Variants in ADAMTS12 observed in about 807,000 individuals in gnomAD.
ADAMTS12 encodes A disintegrin and metalloproteinase with thrombospondin motifs 12.
ADAMTS12 carries 118 observed loss-of-function variants against 167.8 expected under a neutral mutation model. That is an observed-to-expected ratio of 0.70 (90% CI 0.61 to 0.82). The LOEUF (loss-of-function observed/expected upper bound fraction) is 0.82. Among genes scored for constraint, ADAMTS12 ranks in the 40% least tolerant of loss-of-function variants. The pLI is 0.00. For synonymous variants in ADAMTS12, 704 were observed against 716.9 expected (o/e 0.98, Z 0.29); for missense variants, 1,916 against 1,998.8 (o/e 0.96, Z 0.79).
At position 33,555,674 on chromosome 5, in the gene ADAMTS12, C is replaced by T. The variant is rs557170578; in HGVS notation, c.4125+5353G>A. 8.5e-5 allele frequency among the ~76,000 whole-genome samples: 13 copies of T among 152,252 alleles called. No homozygotes were observed. The South Asian group carries it at 1.0e-3, about 12-fold the overall frequency. Reference sequence around the variant, plus strand: ...TAAAATGACATAATCCCCCAGGTGACGGTTTCTTAGAATTGAGACTATTCA... The same window carrying T: ...TAAAATGACATAATCCCCCAGGTGATGGTTTCTTAGAATTGAGACTATTCA... On this transcript the variant is annotated intron_variant, in intron 20 of 23. Coordinates refer to ENST00000504830, the MANE Select transcript of ADAMTS12 (RefSeq NM_030955.4).
intron 19 of ADAMTS12, among the ~76,000 whole-genome samples, chr5:33,567,856 C>T (rs1315043539): frequency 1.3e-5 from 2 of 152,076 alleles, no homozygotes; most frequent in African/African-American, 4.8e-5. Flanking sequence ...AAATCAAAGA[C>T]ACAGAGGATG....
At chr5:33,724,373 C>T (rs950344886) in intron 3 of ADAMTS12, among the ~76,000 whole-genome samples, 3 of 151,948 alleles carry the variant, frequency 2.0e-5, no homozygotes, top group African/African-American at 7.3e-5. Context: ...AACATAACTC[C>T]CTTTATTTAA....
At chr5:33,684,427 T>C (rs115879199) in intron 3 of ADAMTS12, among the ~76,000 whole-genome samples, 43 of 152,344 alleles carry the variant, frequency 2.8e-4, no homozygotes, top group African/African-American at 1.0e-3. Context: ...TTTATCCTCA[T>C]GAATGACAGA....
At chr5:33,636,972 A>C (rs1435636385) in intron 12 of ADAMTS12, among the ~76,000 whole-genome samples, 1 of 151,572 alleles carries the variant, frequency 6.6e-6, no homozygotes, top group East Asian at 1.9e-4. Context: ...CCCTTCTCAT[A>C]CTCCAGTACA....
In ADAMTS12 at chr5:33,641,982, C is replaced by T; in HGVS notation, c.1573-27G>A. The T allele has an allele frequency of 2.5e-6, 4 of 1,586,006 alleles. No individual in the cohort carries two copies. In the South Asian group the frequency reaches 3.4e-5, roughly 14 times the overall value. On this transcript the variant is annotated intron_variant, in intron 10 of 23. Transcript: ENST00000504830. ...TGGAAAGGGAAGAGGCAGGAGATGG[C>T]CGTATCAGGAAGGTTACCAGAGCAA...
At chr5:33,807,436 T>C (rs1470722918) in intron 2 of ADAMTS12, among the ~76,000 whole-genome samples, 3 of 152,230 alleles carry the variant, frequency 2.0e-5, no homozygotes. Context: ...CCAACTCTTC[T>C]GTAATCCTTG....
intron 1 of ADAMTS12, among the ~76,000 whole-genome samples, chr5:33,886,560 G>A (rs186044637): frequency 1.3e-5 from 2 of 152,360 alleles, no homozygotes; most frequent in East Asian, 3.9e-4. Flanking sequence ...GAGTATAGCA[G>A]GGTTAGAGGT....
intron 2 of ADAMTS12, among the ~76,000 whole-genome samples, chr5:33,858,243 G>T (rs1393651433): frequency 1.3e-5 from 2 of 151,948 alleles, no homozygotes; most frequent in East Asian, 3.9e-4. Flanking sequence ...CAAAGAAAAA[G>T]TCTCAAACAA....
intron 22 of ADAMTS12, among the ~76,000 whole-genome samples, chr5:33,542,581 C>T (rs1178604272): frequency 6.6e-6 from 1 of 152,218 alleles, no homozygotes; most frequent in East Asian, 1.9e-4. Flanking sequence ...CACCACATCA[C>T]ACTTATTCTA....
chr5:33,793,927 G>A (rs1426051352), intron 2 of ADAMTS12, among the ~76,000 whole-genome samples: 2 of 152,202 alleles, frequency 1.3e-5, no homozygotes, highest in African/African-American at 4.8e-5. Flanking sequence ...TCTCCCGCAA[G>A]TTCTGGTCAG....
rs959437946 is a variant in ADAMTS12, at chr5:33,850,123, C to T, written c.489+30996G>A. 2.6e-5 allele frequency among the ~76,000 whole-genome samples: 4 copies of T among 152,166 alleles called. No homozygotes were observed. In the East Asian group the frequency reaches 5.8e-4, roughly 22 times the overall value. Reference sequence around the variant, plus strand: ...AATAGATGATCTGTTCTTACCATATCGTCTGTACGGAGCAGATCTCACCAC... The same window carrying T: ...AATAGATGATCTGTTCTTACCATATTGTCTGTACGGAGCAGATCTCACCAC... On this transcript the variant is annotated intron_variant, in intron 2 of 23. Coordinates refer to ENST00000504830, the MANE Select transcript of ADAMTS12 (RefSeq NM_030955.4).
intron 17 of ADAMTS12, among the ~76,000 whole-genome samples, chr5:33,593,924 C>A (rs939855497): frequency 4.6e-5 from 7 of 152,200 alleles, no homozygotes; most frequent in Non-Finnish European, 1.0e-4. Flanking sequence ...ACCTTTATCT[C>A]CTCATATACC....
chr5:33,686,329 C>G (rs1742322922), intron 3 of ADAMTS12, among the ~76,000 whole-genome samples: 1 of 152,178 alleles, frequency 6.6e-6, no homozygotes, highest in African/African-American at 2.4e-5. Flanking sequence ...AAAGCAGAAC[C>G]CTGTGCTCCT....
At chr5:33,751,085 A>G (rs1744953460) in intron 3 of ADAMTS12, 1 of 445,222 alleles carries the variant, frequency 2.2e-6, no homozygotes, top group Non-Finnish European at 3.9e-6. Context: ...TAGACTATTC[A>G]GAAGAGTTTT....
chr5:33,693,032 C>T (rs1742608695), intron 3 of ADAMTS12, among the ~76,000 whole-genome samples: 1 of 152,208 alleles, frequency 6.6e-6, no homozygotes, highest in Non-Finnish European at 1.5e-5. Context: ...TTTATTAACA[C>T]TCTCTCCACT....
chr5:33,619,145 A>T (rs751944643), intron 14 of ADAMTS12, among the ~76,000 whole-genome samples: 1 of 152,192 alleles, frequency 6.6e-6, no homozygotes, highest in Non-Finnish European at 1.5e-5. Flanking sequence ...CTGGCAAGGT[A>T]CTTCCTGACT....
intron 2 of ADAMTS12, among the ~76,000 whole-genome samples, chr5:33,862,513 T>C (rs1006825582): frequency 3.3e-5 from 5 of 152,180 alleles, no homozygotes; most frequent in African/African-American, 1.2e-4. Flanking sequence ...AATCCCTGAA[T>C]AGACCAGTAA....
intron 2 of ADAMTS12, among the ~76,000 whole-genome samples, chr5:33,835,949 CTCTCTGTG>C (rs1227707846): frequency 0.043 from 1,798 of 41,894 alleles, 23 homozygotes; most frequent in Middle Eastern, 0.11. Flanking sequence ...CTCTCTCTCT[CTCTCTGTG>C]TGTGTGTGTG....
chr5:33,651,411 C>T (rs1045398413), intron 7 of ADAMTS12, among the ~76,000 whole-genome samples: 7 of 152,144 alleles, frequency 4.6e-5, no homozygotes, highest in African/African-American at 1.7e-4. Context: ...TTCTCTTTTG[C>T]ATTATACACA....
Sources: gnomAD v4.1 joint callset for allele counts (sites outside exome capture counted in the v4.1 genomes callset) on GRCh38, gnomAD v4.1.1 for gene constraint, MANE v1.5 for transcripts, NCBI Gene and HGNC (gene_info 2026-07-23, HGNC 2026-07-21) for gene names.